SLC12A2: variants seen among roughly 807,000 people sequenced by gnomAD.
SLC12A2 encodes the protein solute carrier family 12 member 2.
A neutral mutation model predicts 136.3 loss-of-function variants in SLC12A2; 67 were observed. The observed-to-expected ratio is 0.49, with a 90% CI of 0.40 to 0.60. The LOEUF (loss-of-function observed/expected upper bound fraction) is 0.60. SLC12A2 is among the 20% of genes least tolerant of loss of function. The pLI is 0.00. For synonymous variants in SLC12A2, 619 were observed against 562.9 expected, an observed-to-expected ratio of 1.10 and a Z score of -1.41; for missense variants, 1,322 against 1,534.7, an observed-to-expected ratio of 0.86 and a Z score of 2.32.
At chr5:128,157,197 T>A (rs1436111722) in intron 15 of SLC12A2, among the ~76,000 whole-genome samples, 1 of 152,214 alleles carries the variant, frequency 6.6e-6, no homozygotes, top group Non-Finnish European at 1.5e-5. Flanking sequence ...TCATTTTGAT[T>A]ATATAAATCC....
chr5:128,158,738 C>T (rs186249013), intron 16 of SLC12A2, among the ~76,000 whole-genome samples: 45 of 152,204 alleles, frequency 3.0e-4, no homozygotes, highest in South Asian at 2.1e-3. Flanking sequence ...ATTGCTGAGT[C>T]GAATGATAGT....
In SLC12A2 at chr5:128,084,105, C is replaced by G; in HGVS notation, c.151C>G (p.Arg51Gly). ...GCCGGAGGATGCTGCGCCCGCGAGC[C>G]GGGACGGCGGCGGGGTCCGCGATGA... Reference protein sequence around the residue: ...SVPEDAAPASRDGGGVRDEGP... With the variant: ...SVPEDAAPASGDGGGVRDEGP... Residue 51 changes from arginine (R) to glycine (G), a missense_variant, in exon 1 of 27, where the codon CGG becomes GGG. Physicochemically the swap from Arg to Gly is moderately radical, Grantham distance 125. Transcript: ENST00000262461. The surrounding 1 kb of genome is among the most constrained non-coding windows in gnomAD (Gnocchi z 5.6). 7.6e-7 allele frequency: 1 copy of G among 1,312,442 alleles called. No individual in the cohort carries two copies. The highest frequency in any genetic ancestry group is 9.7e-7 in the Non-Finnish European group (1 of 1,034,778). The allele number at this position is 1,312,442 out of a possible 1,614,324, so 81.3% of individuals were successfully genotyped here. A position where few individuals can be genotyped will look rare whatever the true frequency, so the allele number is the denominator to read the frequency against.
chr5:128,129,059 A>G (rs571926056), intron 4 of SLC12A2, among the ~76,000 whole-genome samples: 2 of 152,116 alleles, frequency 1.3e-5, no homozygotes, highest in African/African-American at 4.8e-5. Context: ...TTTAAGGCAC[A>G]TAACATGAAT....
At chr5:128,090,623 C>T (rs979060166) in intron 1 of SLC12A2, among the ~76,000 whole-genome samples, 6 of 151,906 alleles carry the variant, frequency 3.9e-5, no homozygotes, top group Non-Finnish European at 8.8e-5. Context: ...TAAAGCAGGG[C>T]GAGGAAAATT....
At chr5:128,182,986 TCA>T in intron 24 of SLC12A2, 45 bp downstream of exon 24, 1 of 1,152,906 alleles carries the variant, frequency 8.7e-7, no homozygotes, top group Non-Finnish European at 1.3e-6. Context: ...GATGGCCTAC[TCA>T]GACACAGATT....
intron 4 of SLC12A2, among the ~76,000 whole-genome samples, chr5:128,116,810 A>G (rs1012043984): frequency 6.6e-6 from 1 of 152,166 alleles, no homozygotes; most frequent in African/African-American, 2.4e-5. Context: ...ATCATCTGCA[A>G]TTAGTGTTTT....
intron 4 of SLC12A2, among the ~76,000 whole-genome samples, chr5:128,130,236 A>G (rs914838011): frequency 8.6e-5 from 13 of 151,980 alleles, no homozygotes; most frequent in African/African-American, 2.9e-4. Context: ...ACATGGTGAA[A>G]CTCTGTCTCT....
chr5:128,164,912 A>G (rs1483898362), intron 17 of SLC12A2, among the ~76,000 whole-genome samples: 4 of 145,912 alleles, frequency 2.7e-5, no homozygotes, highest in Non-Finnish European at 5.9e-5. Context: ...CAGTAGCTGT[A>G]GCTGACTGCA....
At chr5:128,096,273 A>G (rs1760533996) in intron 1 of SLC12A2, among the ~76,000 whole-genome samples, 2 of 152,140 alleles carry the variant, frequency 1.3e-5, no homozygotes. Context: ...TGAACAAAAC[A>G]TGGTTATGTT....
intron 1 of SLC12A2, among the ~76,000 whole-genome samples, chr5:128,106,074 C>T (rs192175718): frequency 1.4e-4 from 21 of 152,226 alleles, no homozygotes; most frequent in African/African-American, 5.1e-4. Flanking sequence ...TCCTACCAGT[C>T]CCTGCTGGGG....
At chr5:128,159,698 C>G (rs1398518944) in intron 16 of SLC12A2, among the ~76,000 whole-genome samples, 1 of 152,188 alleles carries the variant, frequency 6.6e-6, no homozygotes, top group African/African-American at 2.4e-5. Flanking sequence ...GATGCCATCT[C>G]ACACCAGTTA....
chr5:128,121,620 C>G (rs1269589232), intron 4 of SLC12A2, among the ~76,000 whole-genome samples: 1 of 152,120 alleles, frequency 6.6e-6, no homozygotes, highest in Admixed American at 6.5e-5. Flanking sequence ...CTGCGCCCGG[C>G]TGATTTGGGG....
intron 17 of SLC12A2, among the ~76,000 whole-genome samples, chr5:128,162,054 T>C (rs1763057028): frequency 2.0e-5 from 3 of 152,118 alleles, no homozygotes; most frequent in South Asian, 4.1e-4. Flanking sequence ...TCTGTGTTAA[T>C]TGTGTAATTG....
intron 4 of SLC12A2, among the ~76,000 whole-genome samples, chr5:128,123,557 A>G (rs896147934): frequency 6.6e-6 from 1 of 151,968 alleles, no homozygotes; most frequent in Non-Finnish European, 1.5e-5. Context: ...GATAGTTTTC[A>G]TTTGTGCTTC....
In SLC12A2 at chr5:128,140,705, C is replaced by G. The variant is rs567037900; in HGVS notation, c.1622-1125C>G. Among the ~76,000 whole-genome samples the G allele has an allele frequency of 8.8e-4, 133 of 150,292 alleles. 1 individual carries two copies. The highest frequency in any genetic ancestry group is 1.5e-3 in the Non-Finnish European group (102 of 68,000). On this transcript the variant is annotated intron_variant, in intron 9 of 26. Coordinates refer to ENST00000262461, the MANE Select transcript of SLC12A2 (RefSeq NM_001046.3). ...GCTCAAAGAAGTGGAACCTTCCCCC[C>G]CCAAAAAATTTCAGGCATAGACTAT...
chr5:128,089,178 A>AG (rs1760214695), intron 1 of SLC12A2, among the ~76,000 whole-genome samples: 1 of 151,752 alleles, frequency 6.6e-6, no homozygotes, highest in African/African-American at 2.4e-5. Context: ...CCAAAAAAAA[A>AG]AAAAAAAAGA....
chr5:128,118,129 A>G (rs1761422143), intron 4 of SLC12A2, among the ~76,000 whole-genome samples: 1 of 152,238 alleles, frequency 6.6e-6, no homozygotes, highest in African/African-American at 2.4e-5. Flanking sequence ...GGAAATGTAA[A>G]CTAATATAAC....
intron 9 of SLC12A2, 117 bp from the exon 10 acceptor site, chr5:128,141,713 A>G (rs1324856775): frequency 4.3e-6 from 3 of 694,154 alleles, no homozygotes; most frequent in Non-Finnish European, 6.6e-6. Flanking sequence ...ATGCTATTAT[A>G]AGGGAGTAGA....
In SLC12A2 at chr5:128,112,885, T is replaced by G. The variant is rs1185447661; in HGVS notation, c.828T>G (p.Thr276=). ...TPTRDAVVTY[T]AESKGVVKFG... is the part of the protein sequence containing the mutation. ...CCAGAGATGCTGTGGTCACGTATAC[T>G]GCAGAAAGTAAAGGAGTCGTGAAGT... Residue 276 remains threonine, a synonymous_variant, in exon 2 of 27, where the codon ACT becomes ACG. Transcript: ENST00000262461. 1 of 1,613,336 alleles carries G rather than the reference T, an allele frequency of 6.2e-7. No individual in the cohort carries two copies.
Sources: allele counts gnomAD v4.1 joint callset (sites outside exome capture counted in the v4.1 genomes callset), GRCh38; gene constraint gnomAD v4.1.1; non-coding constraint Gnocchi (gnomAD v3.1); transcripts MANE v1.5; gene names NCBI Gene and HGNC (gene_info 2026-07-23, HGNC 2026-07-21).